The following ADAM11 variants were observed in gnomAD, a reference collection of about 807,000 sequenced individuals.
ADAM11 encodes disintegrin and metalloproteinase domain-containing protein 11.
In ADAM11, 49 loss-of-function variants were observed where a neutral mutation model predicts 119.1. The observed-to-expected ratio is 0.41, with a 90% CI of 0.33 to 0.52. ADAM11 has a LOEUF of 0.52. Among genes scored for constraint, ADAM11 ranks in the 20% least tolerant of loss-of-function variants. The probability of loss-of-function intolerance (pLI) is 0.20; values close to 1 mark genes in which losing one functional copy is unlikely to be tolerated. For missense variants in ADAM11, 777 were observed against 1,047.5 expected, an observed-to-expected ratio of 0.74 and a Z score of 3.56; for synonymous variants, 364 against 408.0, an observed-to-expected ratio of 0.89 and a Z score of 1.30.
At position 44,759,888 on chromosome 17, in the gene ADAM11, A is replaced by C. The variant is rs2049368671; in HGVS notation, c.228A>C (p.Pro76=). 1 of 1,301,970 alleles carries C rather than the reference A, an allele frequency of 7.7e-7. No homozygotes were observed. Among genetic ancestry groups the C allele is most frequent in the East Asian group, 2.9e-5 (1 of 35,080 alleles). The allele number at this position is 1,301,970 out of a possible 1,614,324, so 80.7% of individuals were successfully genotyped here. ...ACACAAGGGTCCGCCAGGAGCCACC[A>C]GGGGGCCCGGTGAGTGGGGCTGGGT... ...QLDTRVRQEP[P]GGPPVHLAQV... is the part of the protein sequence containing the mutation. The change falls in exon 2 of 27, where the codon CCA becomes CCC. Residue 76 remains proline, a synonymous_variant. Transcript: ENST00000200557.
intron 2 of ADAM11, among the ~76,000 whole-genome samples, chr17:44,761,535 C>G (rs148229026): frequency 6.6e-6 from 1 of 151,906 alleles, no homozygotes; most frequent in Non-Finnish European, 1.5e-5. Flanking sequence ...TGTGATCCAC[C>G]GATTCCAGAT....
chr17:44,776,112 G>A lies in ADAM11; in HGVS notation c.1486-15G>A, dbSNP rs897113558. On this transcript the variant is annotated splice_polypyrimidine_tract_variant and intron_variant, in intron 17 of 26. Transcript: ENST00000200557. This position sits in a 1 kb window ranked among gnomAD's most constrained non-coding sequence, Gnocchi z 5.2. ...ATCCATCCTGCCTGACTCGAGGAGCGCGTCTCTTCCCTAGTACGAACCACG... is the reference window on the plus strand; with the variant it reads ...ATCCATCCTGCCTGACTCGAGGAGCACGTCTCTTCCCTAGTACGAACCACG... The A allele has an allele frequency of 6.2e-6, 10 of 1,613,336 alleles. No homozygotes were observed. Among genetic ancestry groups the A allele is most frequent in the Non-Finnish European group, 8.5e-6 (10 of 1,179,788 alleles).
intron 2 of ADAM11, among the ~76,000 whole-genome samples, chr17:44,766,210 C>T (rs948929182): frequency 6.6e-6 from 1 of 152,028 alleles, no homozygotes; most frequent in African/African-American, 2.4e-5. Flanking sequence ...GAGGGAGGTC[C>T]GGGCAGGAGT....
At position 44,776,578 on chromosome 17, in the gene ADAM11, G is replaced by A. The variant is rs1359722520; in HGVS notation, c.1567-167G>A. ...GAGCGGCTCTGGGGCTTGCAAATCC[G>A]TGTGGTCTGGGTCCAGAACCAGACA... On this transcript the variant is annotated intron_variant, in intron 18 of 26. Transcript: ENST00000200557. This position sits in a 1 kb window ranked among gnomAD's most constrained non-coding sequence, Gnocchi z 5.2. Among the ~76,000 whole-genome samples, 5 of 152,130 alleles carry A rather than the reference G, an allele frequency of 3.3e-5. No homozygotes were observed. Among genetic ancestry groups the A allele is most frequent in the South Asian group, 2.1e-4 (1 of 4,834 alleles).
rs1170080014 is a variant in ADAM11, at chr17:44,777,727, A to C, written c.1934A>C (p.Asp645Ala). The C allele has an allele frequency of 6.2e-7, 1 of 1,613,956 alleles. No individual in the cohort carries two copies. Among genetic ancestry groups the C allele is most frequent in the Admixed American group, 1.7e-5 (1 of 60,018 alleles). The part of the protein sequence containing the change: ...GGHVQLADGS[D>A]LSYVEDGTAC... ...CACGTGCAGCTGGCGGACGGCTCTG[A>C]CCTGAGCTATGTGGAGGATGGCACA... Residue 645 changes from aspartate (D) to alanine (A), a missense_variant, in exon 23 of 27, where the codon GAC becomes GCC. Physicochemically the swap from Asp to Ala is moderately radical, Grantham distance 126. Around this residue, in one of 4 missense-constraint regions of ADAM11, gnomAD observed 348 missense variants for 486.7 expected, o/e 0.72. Transcript: ENST00000200557. The surrounding 1 kb of genome is among the most constrained non-coding windows in gnomAD (Gnocchi z 5.1).
intron 1 of ADAM11, 42 bp downstream of exon 1, chr17:44,759,302 C>T: frequency 7.4e-7 from 1 of 1,351,198 alleles, no homozygotes; most frequent in Non-Finnish European, 9.5e-7. Context: ...CTCCCTGCCC[C>T]CGCCCCGGGA....
At chr17:44,770,670 A>C (rs781667680) in intron 4 of ADAM11, among the ~76,000 whole-genome samples, 2 of 152,164 alleles carry the variant, frequency 1.3e-5, no homozygotes, top group Non-Finnish European at 2.9e-5. Flanking sequence ...CCTGGGAGGC[A>C]GTGCATGAGG....
chr17:44,779,327 C>A, intron 26 of ADAM11, 88 bp downstream of exon 26: 1 of 1,497,550 alleles, frequency 6.7e-7, no homozygotes, highest in East Asian at 2.6e-5. Context: ...TTCGTCACCC[C>A]GCGTTCTGTT....
In ADAM11 at chr17:44,774,551, C is replaced by T. The variant is rs374560713; in HGVS notation, c.1137C>T (p.Gly379=). Residue 379 remains glycine (G), a synonymous_variant, in exon 13 of 27, where the codon GGC becomes GGT. Transcript: ENST00000200557. ...CCCAGACGCTGGGACAGAACCTGGG[C>T]ATGATGTGGAACAAACACCGGAGCT... ...TLAQTLGQNL[G]MMWNKHRSSA... is the part of the protein sequence containing the mutation. 1 of 1,613,538 alleles carries T rather than the reference C, an allele frequency of 6.2e-7. No individual in the cohort carries two copies. Among genetic ancestry groups the T allele is most frequent in the East Asian group, 2.2e-5 (1 of 44,862 alleles).
rs757431453 is a variant in ADAM11, at chr17:44,773,124, GC to G, written c.825+45del. ...CCTCCCTCCCTTCCCTCCTCCTCAT[GC>G]CCCCCACCCCACCACACACATTAGG... On this transcript the variant is annotated intron_variant, in intron 10 of 26. Transcript: ENST00000200557. The surrounding 1 kb of genome is among the most constrained non-coding windows in gnomAD (Gnocchi z 4.6). 77 of 1,538,404 alleles carry G rather than the reference GC, an allele frequency of 5.0e-5. No homozygotes were observed. The highest frequency in any genetic ancestry group is 6.6e-5 in the Non-Finnish European group (74 of 1,125,216).
chr17:44,776,101 A>C lies in ADAM11; in HGVS notation c.1486-26A>C, dbSNP rs756245230. On this transcript the variant is annotated intron_variant, in intron 17 of 26. Coordinates refer to ENST00000200557, the MANE Select transcript of ADAM11 (RefSeq NM_002390.6). This position sits in a 1 kb window ranked among gnomAD's most constrained non-coding sequence, Gnocchi z 5.2. The stretch of plus-strand genomic sequence containing the variant: ...AGGGCCGAGGCATCCATCCTGCCTG[A>C]CTCGAGGAGCGCGTCTCTTCCCTAG... 7 of 1,612,632 alleles carry C rather than the reference A, an allele frequency of 4.3e-6. No homozygotes were observed. Among genetic ancestry groups the C allele is most frequent in the Non-Finnish European group, 4.2e-6 (5 of 1,179,396 alleles).
chr17:44,771,324 A>G (rs1359763131), intron 4 of ADAM11, among the ~76,000 whole-genome samples: 1 of 150,184 alleles, frequency 6.7e-6, no homozygotes, highest in Non-Finnish European at 1.5e-5. Context: ...AACCATTGCT[A>G]CAGTCCAGCT....
chr17:44,779,879 T>G lies in ADAM11; in HGVS notation c.*125T>G. The G allele has an allele frequency of 2.2e-6, 3 of 1,360,180 alleles. No individual in the cohort carries two copies. Among genetic ancestry groups the G allele is most frequent in the Non-Finnish European group, 3.1e-6 (3 of 970,984 alleles). 84.3% of individuals were successfully genotyped at this position (1,360,180 alleles called of 1,614,324 possible). On this transcript the variant is annotated 3_prime_UTR_variant, in exon 27 of 27. Transcript: ENST00000200557. ...TTCCAGGTCCAAACCCTTCAACTCC[T>G]GGCTCCGCAGGGGTTTGGGTGGGGG...
intron 2 of ADAM11, 120 bp downstream of exon 2, chr17:44,760,017 A>G: frequency 9.7e-7 from 1 of 1,029,346 alleles, no homozygotes; most frequent in Non-Finnish European, 1.2e-6. Context: ...CCCCTTCTGT[A>G]CAGTGGGCTA....
chr17:44,761,070 C>T (rs1400591839), intron 2 of ADAM11, among the ~76,000 whole-genome samples: 1 of 151,980 alleles, frequency 6.6e-6, no homozygotes, highest in African/African-American at 2.4e-5. Flanking sequence ...ACTGCCCAGG[C>T]TCCCTGGGAG....
At chr17:44,771,350 T>C (rs1171501691) in intron 4 of ADAM11, among the ~76,000 whole-genome samples, 1 of 149,808 alleles carries the variant, frequency 6.7e-6, no homozygotes, top group South Asian at 2.1e-4. Flanking sequence ...ATTTTATAGA[T>C]GACGTGAAGG....
rs554102002 is a variant in ADAM11, at chr17:44,781,515, A to C, written c.*1761A>C. On this transcript the variant is annotated 3_prime_UTR_variant, in exon 27 of 27. Transcript: ENST00000200557. ...GTGGTGCACCCGTGCACACAGGTACAGTGCATCTGGGCACAGCTTTTGGAT... is the reference window on the plus strand; with the variant it reads ...GTGGTGCACCCGTGCACACAGGTACCGTGCATCTGGGCACAGCTTTTGGAT... The C allele has an allele frequency of 6.6e-6, 1 of 152,368 alleles. No individual in the cohort carries two copies. Among genetic ancestry groups the C allele is most frequent in the South Asian group, 2.1e-4 (1 of 4,826 alleles). The allele number at this position is 152,368 out of a possible 1,614,324, so 9.4% of individuals were successfully genotyped here.
intron 2 of ADAM11, among the ~76,000 whole-genome samples, chr17:44,765,910 T>C (rs2049444648): frequency 6.6e-6 from 1 of 152,216 alleles, no homozygotes; most frequent in African/African-American, 2.4e-5. Context: ...CCACTGCTCC[T>C]GGCCCAACAA....
At position 44,780,448 on chromosome 17, in the gene ADAM11, A is replaced by G. The variant is rs2049677756; in HGVS notation, c.*694A>G. The G allele has an allele frequency of 1.9e-5, 6 of 308,738 alleles. No homozygotes were observed. The highest frequency in any genetic ancestry group is 2.5e-5 in the Non-Finnish European group (4 of 161,278). 19.1% of individuals were successfully genotyped at this position (308,738 alleles called of 1,614,324 possible). A position where few individuals can be genotyped will look rare whatever the true frequency, so the allele number is the denominator to read the frequency against. On this transcript the variant is annotated 3_prime_UTR_variant, in exon 27 of 27. Transcript: ENST00000200557. ...GATTCAAACCAAAGCTGCCTGTGCC[A>G]TGCCCAAGGCCTAGGTTATGGGTAC...
Sources: allele counts gnomAD v4.1 joint callset (sites outside exome capture counted in the v4.1 genomes callset), GRCh38; gene constraint gnomAD v4.1.1; regional missense constraint gnomAD v4.1.1; non-coding constraint Gnocchi (gnomAD v3.1); transcripts MANE v1.5; gene names NCBI Gene and HGNC (gene_info 2026-07-23, HGNC 2026-07-21).